KIFC3: variants seen among roughly 807,000 people sequenced by gnomAD.
KIFC3 encodes kinesin-like protein KIFC3.
A neutral mutation model predicts 101.8 loss-of-function variants in KIFC3; 60 were observed. The ratio of observed to expected loss-of-function variants is 0.59; its 90% confidence interval spans 0.48 to 0.73. KIFC3 has a LOEUF of 0.73. Ranked by LOEUF, KIFC3 falls within the 30% of genes least tolerant of loss-of-function variation. The probability of loss-of-function intolerance (pLI) is 0.00; values close to 1 mark genes in which losing one functional copy is unlikely to be tolerated. For missense variants in KIFC3, 966 were observed against 1,137.1 expected (o/e 0.85, Z 2.16); for synonymous variants, 476 against 482.7 (o/e 0.99, Z 0.18).
In KIFC3 at chr16:57,771,585, G is replaced by T. The variant is rs1597967329; in HGVS notation, c.483C>A (p.Arg161=). Residue 161 remains arginine, a synonymous_variant, in exon 5 of 20, where the codon CGC becomes CGA. Transcript: ENST00000445690. ...CTGGGCAGGGACCTGCTGGCTTTGT[G>T]CGCAGCTCTTGCAGCTCGGCCTCAC... ...RRCEAELQEL[R]TKPAGPCPGC... 1 of 1,613,572 alleles carries T rather than the reference G, an allele frequency of 6.2e-7. No homozygotes were observed.
upstream of KIFC3, chr16:57,802,637 G>A (rs1266239839): frequency 1.6e-5 from 17 of 1,061,842 alleles, no homozygotes; most frequent in South Asian, 1.2e-4. This position sits in a 1 kb window ranked among gnomAD's most constrained non-coding sequence, Gnocchi z 5.0. Flanking sequence ...GCCCCCGCAG[G>A]TCTCCCGCCG....
rs183425954 is a variant in KIFC3, at chr16:57,770,634, G to A, written c.832C>T (p.Arg278Trp). 51 of 1,554,558 alleles carry A rather than the reference G, an allele frequency of 3.3e-5. No individual in the cohort carries two copies. The East Asian group carries it at 9.8e-4, about 30-fold the overall frequency. Residue 278 changes from arginine to tryptophan, a missense_variant, in exon 7 of 20, where the codon CGG becomes TGG. Transcript: ENST00000445690. ...TKQALSESQA[R>W]NQHLQEQVAM... ...ACCTGCTCCTGCAGGTGCTGGTTCC[G>A]GGCCTGGGACTCGCTGAGGGCCTGC...
At position 57,798,108 on chromosome 16, in the gene KIFC3, G is replaced by C; in HGVS notation, c.136C>G (p.Pro46Ala). The C allele has an allele frequency of 6.3e-7, 1 of 1,588,962 alleles. No homozygotes were observed. The highest frequency in any genetic ancestry group is 2.3e-5 in the East Asian group (1 of 43,634). Residue 46 changes from proline to alanine, a missense_variant, in exon 2 of 20, where the codon CCT (proline) becomes GCT (alanine). Around this residue, in one of 2 missense-constraint regions of KIFC3, gnomAD observed 277 missense variants for 252.5 expected, o/e 1.10. Coordinates refer to ENST00000445690, the MANE Select transcript of KIFC3 (RefSeq NM_001130100.2). ...APAPASPAAR[P>A]FPHTGPGRLR... The stretch of plus-strand genomic sequence containing the variant: ...CTCCCCGGGCCGGTGTGTGGGAAAG[G>C]GCGGGCGGCCGGGCTGGCTGGGGCT...
chr16:57,764,091 G>T, intron 12 of KIFC3, 52 bp downstream of exon 12: 2 of 1,295,006 alleles, frequency 1.5e-6, no homozygotes, highest in Non-Finnish European at 2.2e-6. Context: ...GAGGGAGCCC[G>T]CATTCCCTTC....
At chr16:57,819,573 TTTA>T (rs2055308825) in intron 1 of KIFC3, among the ~76,000 whole-genome samples, 1 of 152,138 alleles carries the variant, frequency 6.6e-6, no homozygotes, top group African/African-American at 2.4e-5. Context: ...TATTTATTTA[TTTA>T]TTGAGATGGA....
intron 3 of KIFC3, among the ~76,000 whole-genome samples, chr16:57,773,637 C>A (rs189575435): frequency 2.6e-5 from 4 of 152,020 alleles, no homozygotes; most frequent in Non-Finnish European, 5.9e-5. Flanking sequence ...GGTGACAGAG[C>A]GAGGCTGTCT....
At chr16:57,822,988 T>C (rs975826546) in intron 1 of KIFC3, among the ~76,000 whole-genome samples, 10 of 152,056 alleles carry the variant, frequency 6.6e-5, no homozygotes, top group African/African-American at 2.4e-4. Flanking sequence ...AAACCCCTCC[T>C]CTTGGCCAAG....
At chr16:57,850,664 T>TG (rs2056034191) in intron 1 of KIFC3, among the ~76,000 whole-genome samples, 1 of 151,590 alleles carries the variant, frequency 6.6e-6, no homozygotes, top group Non-Finnish European at 1.5e-5. Context: ...TTAGTACAGA[T>TG]GGGGTCTTGC....
rs782025710 is a variant in KIFC3 at position 57,758,825 on chromosome 16, C to T, written c.*109G>A. ...TCGCCTCTACCTCCGGGGGTCCTGG[C>T]GCTGCAGCAGGGACAGGCCAGTGAG... On this transcript the variant is annotated 3_prime_UTR_variant, in exon 20 of 20. Transcript: ENST00000445690. 2.6e-5 allele frequency: 41 copies of T among 1,591,470 alleles called. No individual in the cohort carries two copies. The highest frequency in any genetic ancestry group is 2.1e-4 in the African/African-American group (16 of 74,704).
chr16:57,801,936 G>A (rs2054753497), intron 1 of KIFC3, among the ~76,000 whole-genome samples: 1 of 152,200 alleles, frequency 6.6e-6, no homozygotes, highest in East Asian at 1.9e-4. Context: ...CCCGCCCCAG[G>A]CCCTGCCAGG....
intron 3 of KIFC3, among the ~76,000 whole-genome samples, chr16:57,780,667 ATTTTTT>A (rs1191334568): frequency 2.1e-4 from 15 of 69,934 alleles, no homozygotes; most frequent in African/African-American, 6.2e-4. Context: ...CTGAAGACAA[ATTTTTT>A]TTTTTTTTTT....
chr16:57,856,882 T>C (rs1328045117), intron 1 of KIFC3, among the ~76,000 whole-genome samples: 1 of 152,168 alleles, frequency 6.6e-6, no homozygotes, highest in Non-Finnish European at 1.5e-5. Flanking sequence ...TTAGAAGAAA[T>C]TGAATTCATA....
chr16:57,798,380 G>C, intron 1 of KIFC3, 98 bp from the exon 2 acceptor site: 1 of 1,109,108 alleles, frequency 9.0e-7, no homozygotes, highest in Non-Finnish European at 1.3e-6. Context: ...ACGCCCCACC[G>C]GTCGCTGGTT....
intron 1 of KIFC3, among the ~76,000 whole-genome samples, chr16:57,811,450 C>A (rs190866444): frequency 6.6e-6 from 1 of 152,072 alleles, no homozygotes; most frequent in African/African-American, 2.4e-5. Flanking sequence ...AGGCCAAGCG[C>A]GATGGCTCAC....
At chr16:57,765,139 G>A (rs1169135151) in intron 11 of KIFC3, among the ~76,000 whole-genome samples, 2 of 150,074 alleles carry the variant, frequency 1.3e-5, no homozygotes, top group African/African-American at 2.4e-5. Flanking sequence ...AGAATGGAAT[G>A]AGTTACGATA....
chr16:57,851,794 C>T (rs1301558370), intron 1 of KIFC3, among the ~76,000 whole-genome samples: 1 of 151,866 alleles, frequency 6.6e-6, no homozygotes, highest in African/African-American at 2.4e-5. Context: ...GGCTGGAGTG[C>T]AATGGTGCAA....
chr16:57,830,821 G>C (rs373697406), intron 1 of KIFC3, among the ~76,000 whole-genome samples: 2 of 151,996 alleles, frequency 1.3e-5, no homozygotes, highest in African/African-American at 4.8e-5. Context: ...CATTCCCGGG[G>C]CCTTGAGTAA....
At chr16:57,797,882 G>A (rs1555623674) in intron 2 of KIFC3, 190 bp downstream of exon 2, 15 of 1,468,640 alleles carry the variant, frequency 1.0e-5, no homozygotes, top group South Asian at 2.9e-5. Context: ...CCAGACAGGG[G>A]CGCAGGGAAG....
chr16:57,847,249 AGG>A, intron 1 of KIFC3, among the ~76,000 whole-genome samples: 1 of 100,892 alleles, frequency 9.9e-6, no homozygotes, highest in African/African-American at 4.8e-5. Context: ...GAAGGAAGGA[AGG>A]AAGGAAGGAA....
Sources: gnomAD v4.1 joint callset for allele counts (sites outside exome capture counted in the v4.1 genomes callset) on GRCh38, gnomAD v4.1.1 for gene constraint, gnomAD v4.1.1 regional missense constraint, Gnocchi (gnomAD v3.1) non-coding constraint, MANE v1.5 for transcripts, NCBI Gene and HGNC (gene_info 2026-07-23, HGNC 2026-07-21) for gene names.